Variants in FER observed in about 807,000 individuals in gnomAD.
FER encodes the protein tyrosine-protein kinase Fer.
FER carries 63 observed loss-of-function variants against 111.0 expected under a neutral mutation model. That is an observed-to-expected ratio of 0.57 (90% CI 0.46 to 0.70). The LOEUF is 0.70. FER is among the 30% of genes least tolerant of loss of function. FER has a pLI of 0.00. For missense variants in FER, 914 were observed against 954.0 expected (o/e 0.96, Z 0.55); for synonymous variants, 327 against 313.9 (o/e 1.04, Z -0.44).
chr5:108,951,817 A>G (rs1257880304), intron 11 of FER, among the ~76,000 whole-genome samples: 2 of 152,166 alleles, frequency 1.3e-5, no homozygotes, highest in Non-Finnish European at 2.9e-5. Context: ...GCCTCCCAAA[A>G]AGAAGCTCAT....
chr5:108,772,404 C>T (rs1403231363), intron 2 of FER, among the ~76,000 whole-genome samples: 7 of 129,312 alleles, frequency 5.4e-5, no homozygotes, highest in Non-Finnish European at 1.0e-4. Flanking sequence ...GCATTTGCTT[C>T]TTATGCCTCT....
intron 13 of FER, among the ~76,000 whole-genome samples, chr5:108,999,853 T>G (rs1343552463): frequency 6.6e-6 from 1 of 152,112 alleles, no homozygotes; most frequent in Non-Finnish European, 1.5e-5. Context: ...TGTTTAAATT[T>G]GCTTCAATGT....
chr5:109,067,569 T>A (rs1207100911), intron 16 of FER, among the ~76,000 whole-genome samples: 1 of 152,144 alleles, frequency 6.6e-6, no homozygotes, highest in Non-Finnish European at 1.5e-5. Flanking sequence ...TTGGAGTTAT[T>A]TACATCAGTA....
At chr5:108,754,561 A>T (rs1410120274) in intron 1 of FER, among the ~76,000 whole-genome samples, 1 of 152,148 alleles carries the variant, frequency 6.6e-6, no homozygotes, top group African/African-American at 2.4e-5. Context: ...ATAATGCTAC[A>T]TAAGAAAATA....
intron 17 of FER, among the ~76,000 whole-genome samples, chr5:109,178,553 T>G (rs192413282): frequency 6.6e-6 from 1 of 152,240 alleles, no homozygotes; most frequent in Non-Finnish European, 1.5e-5. Flanking sequence ...TTTGGCCCAC[T>G]GACTAGAGTT....
chr5:109,170,332 C>T (rs1756980290), intron 17 of FER, among the ~76,000 whole-genome samples: 1 of 152,074 alleles, frequency 6.6e-6, no homozygotes, highest in African/African-American at 2.4e-5. Context: ...AACAAAATGG[C>T]AGAAATCTAT....
intron 3 of FER, among the ~76,000 whole-genome samples, chr5:108,803,251 T>G (rs34214084): frequency 5.3e-5 from 8 of 152,202 alleles, no homozygotes; most frequent in African/African-American, 1.9e-4. Context: ...GGATGCATGG[T>G]TTATGATTAT....
intron 17 of FER, among the ~76,000 whole-genome samples, chr5:109,147,395 A>C (rs1032274969): frequency 1.4e-4 from 22 of 151,934 alleles, no homozygotes; most frequent in Non-Finnish European, 2.6e-4. Context: ...AACCATGCAA[A>C]TTTGCCTTTA....
chr5:109,005,080 A>T (rs186086908), intron 13 of FER, among the ~76,000 whole-genome samples: 1 of 152,124 alleles, frequency 6.6e-6, no homozygotes, highest in Non-Finnish European at 1.5e-5. Context: ...AGGCAGAAAT[A>T]GTTACCAGAA....
intron 10 of FER, among the ~76,000 whole-genome samples, chr5:108,938,833 A>G (rs1581295249): frequency 6.6e-6 from 1 of 152,028 alleles, no homozygotes; most frequent in East Asian, 1.9e-4. Flanking sequence ...ATAGTGTCCA[A>G]GACAAAGCCA....
At chr5:109,141,639 C>G (rs1270939885) in intron 17 of FER, among the ~76,000 whole-genome samples, 1 of 152,196 alleles carries the variant, frequency 6.6e-6, no homozygotes, top group African/African-American at 2.4e-5. Context: ...GAGTCAGTTA[C>G]TTCCACAATC....
At chr5:108,924,496 C>A in intron 10 of FER, 3 of 770,418 alleles carry the variant, frequency 3.9e-6, no homozygotes, top group Non-Finnish European at 5.2e-6. Context: ...TTCCTTTAAT[C>A]CAGAACTGAC....
chr5:108,915,202 G>A (rs1399040559), intron 10 of FER, among the ~76,000 whole-genome samples: 2 of 152,174 alleles, frequency 1.3e-5, no homozygotes, highest in Non-Finnish European at 2.9e-5. Flanking sequence ...GCCCGGCCCA[G>A]TGGCTCATGC....
chr5:109,147,780 CAT>C (rs145167406), intron 17 of FER, among the ~76,000 whole-genome samples: 4,763 of 139,902 alleles, frequency 0.034, 110 homozygotes, highest in African/African-American at 0.064. Flanking sequence ...CACACACATA[CAT>C]ATATATATAT....
At chr5:109,142,876 T>C (rs1401265956) in intron 17 of FER, among the ~76,000 whole-genome samples, 1 of 152,148 alleles carries the variant, frequency 6.6e-6, no homozygotes, top group Non-Finnish European at 1.5e-5. Flanking sequence ...ATTAGAATTG[T>C]AGATTGTAGC....
intron 2 of FER, among the ~76,000 whole-genome samples, chr5:108,781,611 G>A (rs956962863): frequency 6.6e-6 from 1 of 152,148 alleles, no homozygotes; most frequent in African/African-American, 2.4e-5. Flanking sequence ...AAGGTGTTGG[G>A]GGATAGGAAG....
At chr5:108,805,637 A>G (rs1757127740) in intron 3 of FER, among the ~76,000 whole-genome samples, 1 of 152,168 alleles carries the variant, frequency 6.6e-6, no homozygotes. Context: ...GAGATGAGGA[A>G]CTTGTTGTGA....
intron 17 of FER, among the ~76,000 whole-genome samples, chr5:109,177,853 G>A (rs1406305175): frequency 6.6e-6 from 1 of 152,202 alleles, no homozygotes; most frequent in Non-Finnish European, 1.5e-5. Flanking sequence ...TCAGGTGAAT[G>A]ACAACACCAG....
At chr5:109,106,632 T>C (rs1196867243) in intron 17 of FER, among the ~76,000 whole-genome samples, 1 of 152,212 alleles carries the variant, frequency 6.6e-6, no homozygotes, top group Non-Finnish European at 1.5e-5. Flanking sequence ...TTTTTTCCTG[T>C]TACAAATTGG....
Sources: allele counts gnomAD v4.1 joint callset (sites outside exome capture counted in the v4.1 genomes callset), GRCh38; gene constraint gnomAD v4.1.1; transcripts MANE v1.5; gene names NCBI Gene and HGNC (gene_info 2026-07-23, HGNC 2026-07-21).